The following CPPED1 variants were observed in gnomAD, a reference collection of about 807,000 sequenced individuals.
CPPED1 encodes the protein serine/threonine-protein phosphatase CPPED1.
CPPED1 carries 28 observed loss-of-function variants against 28.0 expected under a neutral mutation model. That is an observed-to-expected ratio of 1.00 (90% CI 0.74 to 1.37). The LOEUF (loss-of-function observed/expected upper bound fraction) is 1.37, where lower values mean the gene tolerates loss of function less well. Among genes scored for constraint, CPPED1 ranks in the 40% most tolerant of loss-of-function variants. The pLI is 0.00. For synonymous variants in CPPED1, 198 were observed against 180.2 expected (o/e 1.10, Z -0.79); for missense variants, 504 against 416.5 (o/e 1.21, Z -1.83).
intron 2 of CPPED1, among the ~76,000 whole-genome samples, chr16:12,765,371 T>C (rs568704792): frequency 1.3e-5 from 2 of 152,392 alleles, no homozygotes; most frequent in South Asian, 4.1e-4. Context: ...CTGATTATGC[T>C]GGCTGCTAGA....
intron 2 of CPPED1, among the ~76,000 whole-genome samples, chr16:12,732,143 C>T (rs867391604): frequency 6.8e-5 from 10 of 147,500 alleles, no homozygotes; most frequent in Middle Eastern, 3.6e-3. Flanking sequence ...ACGTGAAACC[C>T]GTCAAAAAAA....
At chr16:12,679,757 A>T (rs924393906) in intron 3 of CPPED1, among the ~76,000 whole-genome samples, 5 of 152,184 alleles carry the variant, frequency 3.3e-5, no homozygotes, top group African/African-American at 1.2e-4. Context: ...TGGCACTTTG[A>T]CACGCTAAAC....
chr16:12,746,505 G>T (rs1324591159), intron 2 of CPPED1, among the ~76,000 whole-genome samples: 1 of 152,162 alleles, frequency 6.6e-6, no homozygotes, highest in Non-Finnish European at 1.5e-5. Context: ...CAAAAAGAAG[G>T]GTTAAAGGAA....
intron 2 of CPPED1, among the ~76,000 whole-genome samples, chr16:12,727,349 G>A (rs1217214767): frequency 6.6e-6 from 1 of 152,096 alleles, no homozygotes; most frequent in African/African-American, 2.4e-5. Context: ...GGATATCAAA[G>A]CCTTTTGTTT....
intron 2 of CPPED1, among the ~76,000 whole-genome samples, chr16:12,776,738 G>C (rs550352021): frequency 1.2e-4 from 19 of 152,166 alleles, no homozygotes; most frequent in Non-Finnish European, 2.4e-4. Flanking sequence ...GGCCAACATG[G>C]TGAAATCCCG....
intron 2 of CPPED1, among the ~76,000 whole-genome samples, chr16:12,717,329 T>C (rs772139614): frequency 3.3e-5 from 5 of 152,210 alleles, no homozygotes; most frequent in Admixed American, 6.5e-5. Flanking sequence ...AGCGGCGCCA[T>C]CTCGGCTCAC....
intron 2 of CPPED1, among the ~76,000 whole-genome samples, chr16:12,768,257 C>T (rs1010653347): frequency 4.6e-5 from 7 of 152,264 alleles, no homozygotes; most frequent in Non-Finnish European, 1.0e-4. Flanking sequence ...TGCTTTTGCT[C>T]ATTTTAAGCC....
At chr16:12,720,977 G>A (rs955262151) in intron 2 of CPPED1, among the ~76,000 whole-genome samples, 8 of 152,178 alleles carry the variant, frequency 5.3e-5, no homozygotes, top group African/African-American at 1.9e-4. Context: ...TGTTGCCATA[G>A]TATTTCAGAA....
intron 2 of CPPED1, among the ~76,000 whole-genome samples, chr16:12,743,277 T>A (rs1473721493): frequency 6.6e-6 from 1 of 152,100 alleles, no homozygotes; most frequent in African/African-American, 2.4e-5. Flanking sequence ...GCCACTGGCA[T>A]AACCAAGTGG....
At chr16:12,780,947 A>T in intron 2 of CPPED1, 1 of 529,898 alleles carries the variant, frequency 1.9e-6, no homozygotes, top group Non-Finnish European at 3.4e-6. Context: ...TTTCATATTA[A>T]GCTCAAATCA....
chr16:12,753,652 T>C (rs76360842), intron 2 of CPPED1, among the ~76,000 whole-genome samples: 4,720 of 152,148 alleles, frequency 0.031, 252 homozygotes, highest in African/African-American at 0.11. Flanking sequence ...AGCCACCTCA[T>C]ACATTCATAA....
intron 2 of CPPED1, among the ~76,000 whole-genome samples, chr16:12,734,874 G>C (rs1243907914): frequency 6.6e-6 from 1 of 152,108 alleles, no homozygotes; most frequent in Non-Finnish European, 1.5e-5. Context: ...GAGGAACACA[G>C]GGATGAACCT....
intron 3 of CPPED1, among the ~76,000 whole-genome samples, chr16:12,690,322 T>C (rs2079955747): frequency 6.7e-6 from 1 of 150,016 alleles, no homozygotes; most frequent in African/African-American, 2.5e-5. Flanking sequence ...CAGACCAACT[T>C]GGGCAACACG....
Position 12,682,376 on chromosome 16 carries a change from T to C in CPPED1, c.716-17261A>G, listed in dbSNP as rs1433514704. Among the ~76,000 whole-genome samples the C allele has an allele frequency of 2.0e-5, 3 of 152,190 alleles. No homozygotes were observed. The highest frequency in any genetic ancestry group is 7.2e-5 in the African/African-American group (3 of 41,454). ...TACATGGGGGGCTATGCTCAACTTT[T>C]TATTTTTTCCCCTTCCTGATGACTT... On this transcript the variant is annotated intron_variant, in intron 3 of 3. Coordinates refer to ENST00000381774, the MANE Select transcript of CPPED1 (RefSeq NM_018340.3). The surrounding 1 kb of genome is among the most constrained non-coding windows in gnomAD (Gnocchi z 6.1).
intron 2 of CPPED1, among the ~76,000 whole-genome samples, chr16:12,717,047 G>T (rs760320062): frequency 1.3e-5 from 2 of 152,154 alleles, no homozygotes; most frequent in Non-Finnish European, 2.9e-5. Flanking sequence ...CTGAACAGGG[G>T]GAAAGAAGGT....
chr16:12,720,073 C>T (rs986326875), intron 2 of CPPED1, among the ~76,000 whole-genome samples: 3 of 152,136 alleles, frequency 2.0e-5, no homozygotes, highest in Non-Finnish European at 4.4e-5. Flanking sequence ...CTGAACAAAA[C>T]TGGATGACTT....
Position 12,670,003 on chromosome 16 carries a change from A to G in CPPED1, c.716-4888T>C, listed in dbSNP as rs2141165981. On this transcript the variant is annotated intron_variant, in intron 3 of 3. Transcript: ENST00000381774. The surrounding 1 kb of genome is among the most constrained non-coding windows in gnomAD (Gnocchi z 4.2). ...GTTGAATTACAACCCACAGTATAAA[A>G]AAATCCACGAGGCGGCCAGGCACAT... Among the ~76,000 whole-genome samples, 1 of 152,316 alleles carries G rather than the reference A, an allele frequency of 6.6e-6. No homozygotes were observed. Among genetic ancestry groups the G allele is most frequent in the East Asian group, 1.9e-4 (1 of 5,192 alleles).
intron 2 of CPPED1, among the ~76,000 whole-genome samples, chr16:12,711,912 G>A (rs2080082035): frequency 6.6e-6 from 1 of 152,072 alleles, no homozygotes; most frequent in Non-Finnish European, 1.5e-5. Context: ...CTTTCTAACA[G>A]CCCCCTACCC....
At chr16:12,701,471 A>C (rs934425868) in intron 3 of CPPED1, among the ~76,000 whole-genome samples, 3 of 152,030 alleles carry the variant, frequency 2.0e-5, no homozygotes, top group East Asian at 1.9e-4. Flanking sequence ...GAGGTGGAGG[A>C]GGTGGTAGTG....
Sources: allele counts gnomAD v4.1 joint callset (sites outside exome capture counted in the v4.1 genomes callset), GRCh38; gene constraint gnomAD v4.1.1; non-coding constraint Gnocchi (gnomAD v3.1); transcripts MANE v1.5; gene names NCBI Gene and HGNC (gene_info 2026-07-23, HGNC 2026-07-21).